Variants in MAGI2 observed in about 807,000 individuals in gnomAD.
MAGI2 encodes membrane-associated guanylate kinase, WW and PDZ domain-containing protein 2.
Under a neutral mutation model 133.3 loss-of-function variants are expected in MAGI2, and 35 were observed. The ratio of observed to expected loss-of-function variants is 0.26; its 90% CI spans 0.20 to 0.35. The LOEUF is 0.35. MAGI2 is among the 10% of genes least tolerant of loss of function. The pLI is 1.00. For synonymous variants in MAGI2, 729 were observed against 710.6 expected (o/e 1.03, Z -0.41); for missense variants, 1,636 against 1,863.4 (o/e 0.88, Z 2.25).
At chr7:78,816,843 A>G (rs568262819) in intron 2 of MAGI2, among the ~76,000 whole-genome samples, 2 of 152,350 alleles carry the variant, frequency 1.3e-5, no homozygotes, top group East Asian at 3.9e-4. Flanking sequence ...CATGCCTGCC[A>G]AGACAATATC....
intron 16 of MAGI2, among the ~76,000 whole-genome samples, chr7:78,135,425 ACACAG>A (rs1822010193): frequency 6.6e-6 from 1 of 152,164 alleles, no homozygotes; most frequent in Non-Finnish European, 1.5e-5. Context: ...CCAATTCCAA[ACACAG>A]ACCAGGGGTT....
chr7:78,178,070 G>A lies in MAGI2; in HGVS notation c.2344C>T (p.Arg782Trp), dbSNP rs572352033. ...AAGCCAAATCCAGACTCCATCCTCC[G>A]AAGATGAACATCCAATTCCTTATAA... ...PDYKELDVHLRRMESGFGFRI... is the reference protein window; with the variant it reads ...PDYKELDVHLWRMESGFGFRI... The change falls in exon 14 of 22, where the codon CGG becomes TGG. Residue 782 changes from arginine to tryptophan, a missense_variant. Transcript: ENST00000354212. 15 of 1,612,968 alleles carry A rather than the reference G, an allele frequency of 9.3e-6. No homozygotes were observed. The East Asian group carries it at 1.1e-4, about 12-fold the overall frequency.
At chr7:79,302,391 CATG>C (rs1357144955) in intron 1 of MAGI2, among the ~76,000 whole-genome samples, 8 of 152,130 alleles carry the variant, frequency 5.3e-5, no homozygotes, top group Admixed American at 2.6e-4. Context: ...TAGCAGCAGA[CATG>C]ATATCTTTTT....
At position 78,139,174 on chromosome 7, in the gene MAGI2, G is replaced by A. The variant is rs17161319; in HGVS notation, c.2846-3968C>T. ...ACTGAGTGACTTGCATAAAATGTAA[G>A]TGAGCACACAGTTTAAAAATGTATC... On this transcript the variant is annotated intron_variant, in intron 16 of 21. Transcript: ENST00000354212. 8.2e-3 allele frequency among the ~76,000 whole-genome samples: 1,246 copies of A among 152,320 alleles called. 24 individuals are homozygous for A. The highest frequency in any genetic ancestry group is 0.029 in the African/African-American group (1,203 of 41,572).
chr7:78,398,754 T>C (rs1166286303), intron 6 of MAGI2, among the ~76,000 whole-genome samples: 1 of 152,108 alleles, frequency 6.6e-6, no homozygotes, highest in African/African-American at 2.4e-5. Flanking sequence ...AATGGCTTAA[T>C]TACACTGACA....
chr7:79,307,717 A>G (rs1837937956), intron 1 of MAGI2, among the ~76,000 whole-genome samples: 1 of 152,208 alleles, frequency 6.6e-6, no homozygotes, highest in African/African-American at 2.4e-5. Flanking sequence ...TTTGGTTAAA[A>G]GAATGTGGCC....
chr7:78,640,230 T>C (rs879301051), intron 2 of MAGI2, among the ~76,000 whole-genome samples: 2 of 152,088 alleles, frequency 1.3e-5, no homozygotes, highest in Non-Finnish European at 2.9e-5. Flanking sequence ...AAATAATCAT[T>C]TGAGACTCCT....
chr7:78,521,849 T>C (rs1449216773), intron 3 of MAGI2, among the ~76,000 whole-genome samples: 1 of 152,186 alleles, frequency 6.6e-6, no homozygotes, highest in Admixed American at 6.5e-5. Context: ...TGCGTTGGAC[T>C]TTAATGCTTA....
At chr7:78,458,190 G>A (rs1475389372) in intron 6 of MAGI2, among the ~76,000 whole-genome samples, 1 of 151,728 alleles carries the variant, frequency 6.6e-6, no homozygotes, top group Non-Finnish European at 1.5e-5. Flanking sequence ...CAGCTGCTCG[G>A]GAGGCTGAGG....
intron 1 of MAGI2, among the ~76,000 whole-genome samples, chr7:79,097,054 G>A (rs2129542922): frequency 6.6e-6 from 1 of 152,250 alleles, no homozygotes; most frequent in South Asian, 2.1e-4. Flanking sequence ...ACATAAAAAT[G>A]TGTTATTATT....
intron 3 of MAGI2, among the ~76,000 whole-genome samples, chr7:78,581,396 G>T (rs565440808): frequency 1.8e-4 from 27 of 152,232 alleles, no homozygotes; most frequent in African/African-American, 6.0e-4. Flanking sequence ...TCCATTCAAG[G>T]TCCGTGCTTT....
At chr7:78,953,673 T>C (rs1403314047) in intron 2 of MAGI2, among the ~76,000 whole-genome samples, 1 of 152,156 alleles carries the variant, frequency 6.6e-6, no homozygotes, top group Non-Finnish European at 1.5e-5. Context: ...CTTTGCTTAG[T>C]ATCATGAATG....
At chr7:79,214,598 C>T (rs973160108) in intron 1 of MAGI2, among the ~76,000 whole-genome samples, 5 of 138,122 alleles carry the variant, frequency 3.6e-5, no homozygotes, top group African/African-American at 5.3e-5. Flanking sequence ...AGAGAGAGTG[C>T]AAACAAAAGA....
At chr7:78,594,313 C>T (rs1205934954) in intron 3 of MAGI2, among the ~76,000 whole-genome samples, 1 of 152,218 alleles carries the variant, frequency 6.6e-6, no homozygotes, top group African/African-American at 2.4e-5. Flanking sequence ...ACAACTATTT[C>T]AGCACTGACT....
chr7:79,313,726 A>C (rs1051883937), intron 1 of MAGI2, among the ~76,000 whole-genome samples: 6 of 152,074 alleles, frequency 3.9e-5, no homozygotes, highest in African/African-American at 1.4e-4. Context: ...CAACCTACTA[A>C]TAAGATAAAT....
chr7:78,120,723 C>T (rs1361879154), intron 20 of MAGI2, among the ~76,000 whole-genome samples: 3 of 151,846 alleles, frequency 2.0e-5, no homozygotes, highest in Non-Finnish European at 2.9e-5. Context: ...TGCTGTGGAC[C>T]GGGCGCGGTG....
chr7:78,450,740 G>C (rs368158963), intron 6 of MAGI2, among the ~76,000 whole-genome samples: 1 of 151,988 alleles, frequency 6.6e-6, no homozygotes, highest in Non-Finnish European at 1.5e-5. Context: ...TTTCCACAAG[G>C]TGACGAAATG....
chr7:79,161,308 G>T (rs1824330458), intron 1 of MAGI2, among the ~76,000 whole-genome samples: 1 of 151,968 alleles, frequency 6.6e-6, no homozygotes, highest in South Asian at 2.1e-4. Flanking sequence ...AAAGTATAGG[G>T]TAAAAGCTGG....
intron 1 of MAGI2, among the ~76,000 whole-genome samples, chr7:79,391,540 CATAT>C (rs1198335417): frequency 8.6e-5 from 4 of 46,704 alleles, no homozygotes; most frequent in Non-Finnish European, 1.4e-4. Context: ...TATATATAGA[CATAT>C]ATATATATAT....
Sources: allele counts gnomAD v4.1 joint callset (sites outside exome capture counted in the v4.1 genomes callset), GRCh38; gene constraint gnomAD v4.1.1; transcripts MANE v1.5; gene names NCBI Gene and HGNC (gene_info 2026-07-23, HGNC 2026-07-21).